ARK2C: variants seen among roughly 807,000 people sequenced by gnomAD.
ARK2C encodes arkadia (RNF111) C-terminal like ring finger ubiquitin ligase 2C.
chr18:46,388,911 G>A, the ARK2C span, among the ~76,000 whole-genome samples: 118 of 152,192 alleles, frequency 7.8e-4, no homozygotes, highest in Admixed American at 1.4e-3. Context: ...AAAAAGACAC[G>A]AAACATTGAA....
chr18:46,366,320 TAG>T, the ARK2C span, among the ~76,000 whole-genome samples: 1 of 87,334 alleles, frequency 1.1e-5, no homozygotes, highest in Non-Finnish European at 2.4e-5. Context: ...AAAAAAAAAA[TAG>T]AGAGAGAGAT....
At chr18:46,334,106 G>GC in the ARK2C span, 1 of 169,236 alleles carries the variant, frequency 5.9e-6, no homozygotes, top group Non-Finnish European at 1.2e-5. The surrounding 1 kb of genome is among the most constrained non-coding windows in gnomAD (Gnocchi z 4.4). Context: ...CTTTCCATGG[G>GC]CCATCTGTCT....
the ARK2C span, among the ~76,000 whole-genome samples, chr18:46,434,934 C>T: frequency 5.3e-5 from 8 of 151,932 alleles, no homozygotes; most frequent in Non-Finnish European, 1.2e-4. Context: ...CTGTAGGAGG[C>T]GAGTCTGTGT....
the ARK2C span, chr18:46,337,229 A>G: frequency 1.0e-6 from 1 of 985,264 alleles, no homozygotes; most frequent in Non-Finnish European, 1.2e-6. Context: ...GAAAAAAGAA[A>G]AGAAAAGAAA....
chr18:46,433,575 G>A, the ARK2C span: 12 of 1,362,286 alleles, frequency 8.8e-6, no homozygotes, highest in African/African-American at 2.9e-5. Context: ...CAGGGCGTGG[G>A]CAGGGCCAGG....
At chr18:46,437,559 G>A in the ARK2C span, among the ~76,000 whole-genome samples, 5 of 151,704 alleles carry the variant, frequency 3.3e-5, no homozygotes, top group African/African-American at 1.2e-4. Flanking sequence ...GCCCAAGGTC[G>A]TCCACCCCCT....
chr18:46,372,659 T>A, the ARK2C span, among the ~76,000 whole-genome samples: 2 of 151,942 alleles, frequency 1.3e-5, no homozygotes, highest in Non-Finnish European at 2.9e-5. Context: ...CCTGTTAGAA[T>A]TGGGGGGCAG....
the ARK2C span, among the ~76,000 whole-genome samples, chr18:46,445,713 T>G: frequency 6.6e-6 from 1 of 152,160 alleles, no homozygotes; most frequent in Non-Finnish European, 1.5e-5. Flanking sequence ...ACTAGGGAGG[T>G]TGCAGAGCTC....
the ARK2C span, among the ~76,000 whole-genome samples, chr18:46,404,677 T>C: frequency 6.6e-6 from 1 of 151,888 alleles, no homozygotes; most frequent in Admixed American, 6.6e-5. Flanking sequence ...TGCTTGAACC[T>C]GGGAGGTTGA....
chr18:46,353,636 A>G, the ARK2C span, among the ~76,000 whole-genome samples: 11 of 152,162 alleles, frequency 7.2e-5, no homozygotes, highest in African/African-American at 1.2e-4. Flanking sequence ...AAAGTCAGAG[A>G]GTGGGAGTGA....
At chr18:46,362,331 C>G in the ARK2C span, among the ~76,000 whole-genome samples, 4 of 152,312 alleles carry the variant, frequency 2.6e-5, no homozygotes, top group African/African-American at 9.6e-5. Flanking sequence ...TGTCTCAGGG[C>G]CTGCTAGGTG....
chr18:46,363,840 T>C, the ARK2C span, among the ~76,000 whole-genome samples: 5 of 152,308 alleles, frequency 3.3e-5, no homozygotes, highest in South Asian at 6.2e-4. Context: ...GGGGCCACCG[T>C]TGAGGGTGTG....
the ARK2C span, among the ~76,000 whole-genome samples, chr18:46,390,454 C>T: frequency 2.0e-5 from 3 of 152,208 alleles, no homozygotes; most frequent in East Asian, 1.9e-4. Context: ...TGTTTGAAGA[C>T]GGGTCACTGC....
At chr18:46,338,331 T>A in the ARK2C span, among the ~76,000 whole-genome samples, 4 of 152,220 alleles carry the variant, frequency 2.6e-5, no homozygotes, top group Non-Finnish European at 4.4e-5. Context: ...AGAAGCTGAC[T>A]CAGGCCACTC....
At chr18:46,454,088 G>T in the ARK2C span, among the ~76,000 whole-genome samples, 1 of 139,562 alleles carries the variant, frequency 7.2e-6, no homozygotes, top group Admixed American at 7.3e-5. Context: ...ACTCCAGCCT[G>T]GGCAAGAGGG....
the ARK2C span, among the ~76,000 whole-genome samples, chr18:46,430,076 T>C: frequency 6.6e-6 from 1 of 152,238 alleles, no homozygotes; most frequent in Non-Finnish European, 1.5e-5. Context: ...TCCACCTCTG[T>C]CAGGTGCAGC....
the ARK2C span, among the ~76,000 whole-genome samples, chr18:46,351,743 GGTTTAA>G: frequency 6.6e-6 from 1 of 152,192 alleles, no homozygotes. Flanking sequence ...CAGAGGCCTA[GGTTTAA>G]GTCCAGCTTG....
chr18:46,416,627 A>T, the ARK2C span, among the ~76,000 whole-genome samples: 17 of 152,332 alleles, frequency 1.1e-4, no homozygotes, highest in African/African-American at 4.1e-4. Context: ...TGCAGCTCAC[A>T]AGTCAGTGGG....
the ARK2C span, among the ~76,000 whole-genome samples, chr18:46,453,588 C>A: frequency 1.3e-5 from 2 of 150,686 alleles, no homozygotes; most frequent in African/African-American, 2.4e-5. Flanking sequence ...AAGTTAGGAC[C>A]CAAATAAAAT....
Sources: gnomAD v4.1 joint callset for allele counts (sites outside exome capture counted in the v4.1 genomes callset) on GRCh38, gnomAD v4.1.1 for gene constraint, Gnocchi (gnomAD v3.1) non-coding constraint, MANE v1.5 for transcripts, NCBI Gene and HGNC (gene_info 2026-07-23, HGNC 2026-07-21) for gene names.